LPP: variants seen among roughly 807,000 people sequenced by gnomAD.
LPP encodes LIM domain containing preferred translocation partner in lipoma.
A neutral mutation model predicts 60.4 loss-of-function variants in LPP; 38 were observed. The observed-to-expected ratio is 0.63, with a 90% confidence interval of 0.49 to 0.83. The LOEUF (loss-of-function observed/expected upper bound fraction) is 0.83, where lower values mean the gene tolerates loss of function less well. Among genes scored for constraint, LPP ranks in the 40% least tolerant of loss-of-function variants. LPP has a pLI of 0.00. For synonymous variants in LPP, 328 were observed against 290.8 expected (o/e 1.13, Z -1.30); for missense variants, 902 against 783.6 (o/e 1.15, Z -1.80).
intron 7 of LPP, among the ~76,000 whole-genome samples, chr3:188,634,610 C>A (rs189626483): frequency 7.2e-5 from 11 of 152,274 alleles, no homozygotes; most frequent in Admixed American, 3.3e-4. Context: ...CAGATTGCAG[C>A]GGTATTGGAT....
At chr3:188,692,035 T>G (rs1434118662) in intron 7 of LPP, among the ~76,000 whole-genome samples, 1 of 152,198 alleles carries the variant, frequency 6.6e-6, no homozygotes, top group Non-Finnish European at 1.5e-5. Flanking sequence ...GCTTCCTTCA[T>G]GATGCTTGCC....
intron 4 of LPP, 33 bp from the exon 5 acceptor site, chr3:188,484,559 A>G (rs754582709): frequency 1.4e-6 from 2 of 1,468,048 alleles, no homozygotes; most frequent in Admixed American, 3.4e-5. Flanking sequence ...TTGCATCCTT[A>G]TTAACTTCAT....
chr3:188,266,552 CAGAGAG>C (rs111754646), intron 2 of LPP, among the ~76,000 whole-genome samples: 6 of 147,658 alleles, frequency 4.1e-5, no homozygotes, highest in African/African-American at 1.0e-4. Context: ...ACGGGGAAGA[CAGAGAG>C]AGAGAGAGAG....
intron 2 of LPP, among the ~76,000 whole-genome samples, chr3:188,252,031 GATATATATATATATATATATATATAT>G (rs10579787): frequency 1.9e-4 from 8 of 41,414 alleles, no homozygotes; most frequent in South Asian, 1.1e-3. Flanking sequence ...TTTTAATCCT[GATATATATATATATATATATATATAT>G]ATATATATAT....
At chr3:188,359,618 C>G (rs542176817) in intron 3 of LPP, among the ~76,000 whole-genome samples, 100 of 152,276 alleles carry the variant, frequency 6.6e-4, no homozygotes, top group African/African-American at 2.3e-3. Flanking sequence ...TCCTTAATCC[C>G]CTCAACTACC....
rs1553782707 is a variant in LPP at position 188,657,258 on chromosome 3, G to GTGTATATATA, written c.1113+47415_1113+47416insGTATATATAT. 8.9e-5 allele frequency among the ~76,000 whole-genome samples: 8 copies of GTGTATATATA among 89,838 alleles called. 1 individual carries two copies. The East Asian group carries it at 3.1e-3, about 35-fold the overall frequency. 58.9% of individuals were successfully genotyped at this position (89,838 alleles called of 152,430 possible). On this transcript the variant is annotated intron_variant, in intron 7 of 11. Transcript: ENST00000617246. ...ATAAGTTTTCAAGAGCTGTCAAGGT[G>GTGTATATATA]TATATATATATATATATATATATTT...
chr3:188,524,893 GTCCGTCCTTCCTTCCT>G lies in LPP; in HGVS notation c.429+110_429+125del, dbSNP rs1560518666. Reference sequence around the variant, plus strand: ...AGCTTATTTCCCCTTCCTTCCTTCCGTCCGTCCTTCCTTCCTTCCTTCCTTCCTTCCTTCCTTCCTT... The same window carrying G: ...AGCTTATTTCCCCTTCCTTCCTTCCGTCCTTCCTTCCTTCCTTCCTTCCTT... On this transcript the variant is annotated intron_variant, in intron 6 of 11. Transcript: ENST00000617246. 458 of 226,720 alleles carry G rather than the reference GTCCGTCCTTCCTTCCT, an allele frequency of 2.0e-3. 10 individuals are homozygous for G. Among genetic ancestry groups the G allele is most frequent in the African/African-American group, 0.02 (409 of 20,354 alleles). The allele number at this position is 226,720 out of a possible 1,614,324, so 14.0% of individuals were successfully genotyped here. A position where few individuals can be genotyped will look rare whatever the true frequency, so the allele number is the denominator to read the frequency against.
chr3:188,428,267 A>G (rs773651899), intron 4 of LPP, among the ~76,000 whole-genome samples: 1 of 152,142 alleles, frequency 6.6e-6, no homozygotes, highest in Non-Finnish European at 1.5e-5. Context: ...AGTCCCAGTG[A>G]GATAAGCTGA....
intron 4 of LPP, among the ~76,000 whole-genome samples, chr3:188,425,001 G>C (rs561268558): frequency 6.6e-6 from 1 of 152,300 alleles, no homozygotes; most frequent in African/African-American, 2.4e-5. Flanking sequence ...AGTGGTGAGA[G>C]AGGGCATCCT....
At chr3:188,699,715 A>G (rs201660011) in intron 7 of LPP, among the ~76,000 whole-genome samples, 1 of 152,168 alleles carries the variant, frequency 6.6e-6, no homozygotes, top group East Asian at 1.9e-4. Flanking sequence ...GAAGATTTCA[A>G]TTCAGATAGT....
At chr3:188,237,002 T>C (rs969775499) in intron 2 of LPP, among the ~76,000 whole-genome samples, 1 of 152,248 alleles carries the variant, frequency 6.6e-6, no homozygotes, top group African/African-American at 2.4e-5. Context: ...GAAAACTTCT[T>C]TCAAAATTGG....
chr3:188,668,398 A>G (rs551293911), intron 7 of LPP, among the ~76,000 whole-genome samples: 1 of 152,328 alleles, frequency 6.6e-6, no homozygotes, highest in Non-Finnish European at 1.5e-5. Flanking sequence ...AAACACCATA[A>G]CTAAGTTCTA....
chr3:188,539,390 G>A (rs1018295057), intron 6 of LPP, among the ~76,000 whole-genome samples: 1 of 152,190 alleles, frequency 6.6e-6, no homozygotes, highest in African/African-American at 2.4e-5. Flanking sequence ...GATCACAGAA[G>A]GTGTTTGGTG....
At chr3:188,310,439 C>T (rs1222731825) in intron 2 of LPP, among the ~76,000 whole-genome samples, 1 of 151,984 alleles carries the variant, frequency 6.6e-6, no homozygotes, top group Admixed American at 6.6e-5. Flanking sequence ...GCAAAGTGAA[C>T]TTAAAAAATA....
At chr3:188,612,042 A>T (rs554381596) in intron 7 of LPP, among the ~76,000 whole-genome samples, 3 of 152,178 alleles carry the variant, frequency 2.0e-5, no homozygotes, top group Admixed American at 6.5e-5. Flanking sequence ...ATTCAAGATG[A>T]TCTATTAGAT....
At chr3:188,244,217 G>A (rs879407411) in intron 2 of LPP, among the ~76,000 whole-genome samples, 9 of 152,216 alleles carry the variant, frequency 5.9e-5, no homozygotes, top group Non-Finnish European at 8.8e-5. Flanking sequence ...ATTTGGGAGC[G>A]TTTAAAAGCA....
intron 9 of LPP, among the ~76,000 whole-genome samples, chr3:188,824,274 A>G (rs1247608017): frequency 1.3e-5 from 2 of 152,368 alleles, no homozygotes; most frequent in African/African-American, 4.8e-5. Flanking sequence ...CGGTAGCAAT[A>G]GAATGAAGAC....
At chr3:188,658,631 T>G (rs1214008246) in intron 7 of LPP, among the ~76,000 whole-genome samples, 1 of 152,212 alleles carries the variant, frequency 6.6e-6, no homozygotes, top group Non-Finnish European at 1.5e-5. Flanking sequence ...ATCTTAGACA[T>G]TATCTGTGGA....
intron 4 of LPP, among the ~76,000 whole-genome samples, chr3:188,451,521 G>A (rs796633650): frequency 3.9e-5 from 6 of 152,216 alleles, no homozygotes; most frequent in African/African-American, 1.4e-4. Context: ...AGGTACTTGG[G>A]AACAAAATTG....
Sources: gnomAD v4.1 joint callset for allele counts (sites outside exome capture counted in the v4.1 genomes callset) on GRCh38, gnomAD v4.1.1 for gene constraint, MANE v1.5 for transcripts, NCBI Gene and HGNC (gene_info 2026-07-23, HGNC 2026-07-21) for gene names.